Variants in SPTLC2 observed in about 807,000 individuals in gnomAD.
SPTLC2 encodes serine palmitoyltransferase 2.
SPTLC2 carries 21 observed loss-of-function variants against 62.0 expected under a neutral mutation model. That is an observed-to-expected ratio of 0.34 (90% confidence interval 0.24 to 0.49). SPTLC2 has a LOEUF of 0.49. Among genes scored for constraint, SPTLC2 ranks in the 20% least tolerant of loss-of-function variants. The probability of loss-of-function intolerance (pLI) is 0.99; values close to 1 mark genes in which losing one functional copy is unlikely to be tolerated. For missense variants in SPTLC2, 511 were observed against 713.0 expected (o/e 0.72, Z 3.23); for synonymous variants, 261 against 261.8 (o/e 1.00, Z 0.03).
intron 8 of SPTLC2, 125 bp from the exon 9 acceptor site, chr14:77,552,347 G>T: frequency 8.6e-7 from 1 of 1,156,534 alleles, no homozygotes; most frequent in Non-Finnish European, 1.3e-6. Context: ...ACACTAATCT[G>T]AGATACAAGG....
At chr14:77,528,809 T>C (rs148684035) in intron 9 of SPTLC2, among the ~76,000 whole-genome samples, 27 of 152,240 alleles carry the variant, frequency 1.8e-4, no homozygotes, top group East Asian at 1.2e-3. Context: ...ACTTTAATCA[T>C]CTGTTTCAAA....
intron 8 of SPTLC2, 72 bp downstream of exon 8, chr14:77,555,228 G>C: frequency 6.3e-7 from 1 of 1,588,864 alleles, no homozygotes; most frequent in Non-Finnish European, 8.6e-7. Context: ...GGCCCCATCT[G>C]CTAGGCCTGA....
intron 2 of SPTLC2, among the ~76,000 whole-genome samples, chr14:77,582,005 A>G (rs2079753858): frequency 1.3e-5 from 2 of 152,050 alleles, no homozygotes; most frequent in African/African-American, 4.8e-5. Context: ...AACGCTTCTA[A>G]TGAAGGAAAT....
intron 4 of SPTLC2, 147 bp downstream of exon 4, chr14:77,576,620 A>G (rs2079717237): frequency 9.0e-7 from 1 of 1,108,230 alleles, no homozygotes; most frequent in East Asian, 2.6e-5. Flanking sequence ...CATCCATCAC[A>G]CTTCAGAAAA....
intron 1 of SPTLC2, among the ~76,000 whole-genome samples, chr14:77,600,205 T>C (rs1469450963): frequency 6.6e-6 from 1 of 152,210 alleles, no homozygotes; most frequent in Non-Finnish European, 1.5e-5. Flanking sequence ...TATGAAGAAC[T>C]GTGTGATTTT....
chr14:77,552,344 T>A (rs762276398), intron 8 of SPTLC2, 122 bp from the exon 9 acceptor site: 131 of 1,194,232 alleles, frequency 1.1e-4, no homozygotes, highest in Non-Finnish European at 1.5e-4. Context: ...GGGACACTAA[T>A]CTGAGATACA....
At chr14:77,587,121 G>A (rs1200076188) in intron 2 of SPTLC2, among the ~76,000 whole-genome samples, 4 of 152,038 alleles carry the variant, frequency 2.6e-5, no homozygotes, top group East Asian at 1.9e-4. Context: ...CCAGCTACTC[G>A]GGAGGCTGAG....
Position 77,510,164 on chromosome 14 carries a change from A to G in SPTLC2, c.*2120T>C. The G allele has an allele frequency of 5.2e-6, 2 of 383,750 alleles. No homozygotes were observed. Among genetic ancestry groups the G allele is most frequent in the Non-Finnish European group, 9.2e-6 (2 of 217,558 alleles). 23.8% of individuals were successfully genotyped at this position (383,750 alleles called of 1,614,324 possible). On this transcript the variant is annotated 3_prime_UTR_variant, in exon 12 of 12. Transcript: ENST00000216484. ...CACAACCTCCTTCTTACTTTAACCT[A>G]TACATGCTAAATATAGTCTCTGCAT... is the stretch of plus-strand genomic sequence containing the variant.
chr14:77,508,570 G>A lies in SPTLC2; in HGVS notation c.*3714C>T, dbSNP rs943018562. On this transcript the variant is annotated 3_prime_UTR_variant, in exon 12 of 12. Transcript: ENST00000216484. ...AAAGGGGAAAAACATAAAAGTAGTG[G>A]TAAATGTCATCACTTTTTTCCTCCC... The A allele has an allele frequency of 1.3e-5, 2 of 152,148 alleles. No homozygotes were observed. Among genetic ancestry groups the A allele is most frequent in the East Asian group, 1.9e-4 (1 of 5,198 alleles). 9.4% of individuals were successfully genotyped at this position (152,148 alleles called of 1,614,324 possible). A position where few individuals can be genotyped will look rare whatever the true frequency, so the allele number is the denominator to read the frequency against.
chr14:77,526,690 C>T (rs7144024), intron 9 of SPTLC2, among the ~76,000 whole-genome samples: 28,552 of 152,082 alleles, frequency 0.19, 3,345 homozygotes, highest in African/African-American at 0.33. Context: ...ATAACTTTAA[C>T]AGGTCATTTT....
At chr14:77,568,105 C>T (rs1018665583) in intron 5 of SPTLC2, among the ~76,000 whole-genome samples, 2 of 152,192 alleles carry the variant, frequency 1.3e-5, no homozygotes, top group African/African-American at 2.4e-5. Context: ...TAATGCTATA[C>T]ATTTCCATCT....
intron 1 of SPTLC2, among the ~76,000 whole-genome samples, chr14:77,615,257 G>A (rs781650832): frequency 3.9e-5 from 6 of 152,196 alleles, no homozygotes; most frequent in Non-Finnish European, 7.4e-5. Flanking sequence ...CTTCAGGGGA[G>A]GTCAAGTCTG....
chr14:77,558,049 A>AT (rs1383616673), intron 6 of SPTLC2, among the ~76,000 whole-genome samples: 1 of 123,104 alleles, frequency 8.1e-6, no homozygotes, highest in African/African-American at 3.0e-5. Context: ...CTATCATAAA[A>AT]TCTTTTTTTT....
intron 1 of SPTLC2, among the ~76,000 whole-genome samples, chr14:77,612,461 T>C (rs1260930694): frequency 2.0e-5 from 3 of 152,242 alleles, no homozygotes; most frequent in African/African-American, 4.8e-5. Context: ...AGAATCAAGA[T>C]ATGCTTCCCC....
At chr14:77,548,458 T>C (rs2079540535) in intron 9 of SPTLC2, among the ~76,000 whole-genome samples, 1 of 152,254 alleles carries the variant, frequency 6.6e-6, no homozygotes, top group Non-Finnish European at 1.5e-5. Context: ...ACACTTTGCC[T>C]TGATTCGTAT....
intron 9 of SPTLC2, among the ~76,000 whole-genome samples, chr14:77,538,150 T>A (rs2079480503): frequency 6.6e-6 from 1 of 152,250 alleles, no homozygotes; most frequent in Non-Finnish European, 1.5e-5. Context: ...TATTTTACCC[T>A]CTACGATGCT....
Position 77,533,457 on chromosome 14 carries a change from A to G in SPTLC2, c.1304-11876T>C, listed in dbSNP as rs550327986. 1.8e-4 allele frequency among the ~76,000 whole-genome samples: 27 copies of G among 152,318 alleles called. No individual in the cohort carries two copies. In the East Asian group the frequency reaches 5.0e-3, roughly 28 times the overall value. On this transcript the variant is annotated intron_variant, in intron 9 of 11. Transcript: ENST00000216484. ...CAAATACGGTAATATTGACAAAGTA[A>G]TAATTTCTCAGGACCTAACACCTTT... is the stretch of plus-strand genomic sequence containing the variant.
intron 1 of SPTLC2, among the ~76,000 whole-genome samples, chr14:77,611,753 G>A (rs2079939171): frequency 6.6e-6 from 1 of 151,894 alleles, no homozygotes; most frequent in East Asian, 1.9e-4. Flanking sequence ...TTGAACCCGG[G>A]AGGTGGAGGC....
chr14:77,553,433 A>G (rs889586394), intron 8 of SPTLC2, among the ~76,000 whole-genome samples: 9 of 152,140 alleles, frequency 5.9e-5, no homozygotes, highest in African/African-American at 2.2e-4. Flanking sequence ...TATTTGAGAT[A>G]AAAATCTATC....
Sources: allele counts gnomAD v4.1 joint callset (sites outside exome capture counted in the v4.1 genomes callset), GRCh38; gene constraint gnomAD v4.1.1; transcripts MANE v1.5; gene names NCBI Gene and HGNC (gene_info 2026-07-23, HGNC 2026-07-21).